ACTN1: variants seen among roughly 807,000 people sequenced by gnomAD.
ACTN1 encodes actinin alpha 1.
In ACTN1, 30 loss-of-function variants were observed where a neutral mutation model predicts 119.6. The ratio of observed to expected loss-of-function variants is 0.25; its 90% CI spans 0.19 to 0.34. The LOEUF is 0.34. Among genes scored for constraint, ACTN1 ranks in the 10% least tolerant of loss-of-function variants. The pLI is 1.00. For synonymous variants in ACTN1, 429 were observed against 472.6 expected (o/e 0.91, Z 1.20); for missense variants, 764 against 1,223.4 (o/e 0.62, Z 5.60).
intron 1 of ACTN1, among the ~76,000 whole-genome samples, chr14:68,967,041 T>C (rs1037864719): frequency 2.6e-5 from 4 of 152,224 alleles, no homozygotes; most frequent in Admixed American, 2.0e-4. Flanking sequence ...CAGCCTACCA[T>C]TGGACGCACC....
intron 1 of ACTN1, chr14:68,978,454 A>C (rs2037146985): frequency 3.0e-6 from 1 of 335,516 alleles, no homozygotes; most frequent in East Asian, 9.8e-5. Context: ...CCTCCGCCTA[A>C]GGGGCAGCAG....
intron 1 of ACTN1, among the ~76,000 whole-genome samples, chr14:68,957,301 C>T (rs1431403139): frequency 1.3e-5 from 2 of 152,334 alleles, no homozygotes; most frequent in East Asian, 3.9e-4. Context: ...ATCCCCTCTT[C>T]CCCCAAGAGA....
At chr14:68,942,105 A>C (rs1338036064) in intron 1 of ACTN1, among the ~76,000 whole-genome samples, 3 of 152,196 alleles carry the variant, frequency 2.0e-5, no homozygotes, top group African/African-American at 7.2e-5. Flanking sequence ...ACAAGCCACC[A>C]CAAGTCACAG....
At chr14:68,924,944 C>G (rs534955874) in intron 2 of ACTN1, among the ~76,000 whole-genome samples, 1 of 152,078 alleles carries the variant, frequency 6.6e-6, no homozygotes. Context: ...AGACGCCCAG[C>G]GAGGTTCAGC....
chr14:68,908,575 C>T (rs1054536886), intron 6 of ACTN1, among the ~76,000 whole-genome samples: 2 of 152,174 alleles, frequency 1.3e-5, no homozygotes, highest in African/African-American at 4.8e-5. Flanking sequence ...GATGGCCATG[C>T]CATGTGGCCT....
At chr14:68,922,096 C>A (rs1029491671) in intron 2 of ACTN1, among the ~76,000 whole-genome samples, 2 of 152,160 alleles carry the variant, frequency 1.3e-5, no homozygotes, top group African/African-American at 4.8e-5. Context: ...CTCTAAGGGG[C>A]CAAGGACCCC....
intron 1 of ACTN1, among the ~76,000 whole-genome samples, chr14:68,974,845 G>A (rs2037008195): frequency 6.6e-6 from 1 of 152,176 alleles, no homozygotes; most frequent in Non-Finnish European, 1.5e-5. Context: ...TAAGGGCTGG[G>A]CTCTTTCCTA....
intron 1 of ACTN1, chr14:68,977,871 G>A (rs962749122): frequency 8.9e-6 from 4 of 448,454 alleles, no homozygotes; most frequent in South Asian, 4.7e-5. Flanking sequence ...GGGAGGGACC[G>A]GATGGAAGTG....
At chr14:68,892,525 C>T (rs892536191) in intron 9 of ACTN1, among the ~76,000 whole-genome samples, 3 of 152,172 alleles carry the variant, frequency 2.0e-5, no homozygotes, top group African/African-American at 7.2e-5. Context: ...TCACGTCACT[C>T]AACCTCCCTG....
rs542901589 is a variant in ACTN1 at position 68,973,326 on chromosome 14, G to A, written c.105+5626C>T. Among the ~76,000 whole-genome samples, 221 of 152,290 alleles carry A rather than the reference G, an allele frequency of 1.5e-3. 1 individual carries two copies. Among genetic ancestry groups the A allele is most frequent in the Non-Finnish European group, 1.7e-3 (116 of 68,020 alleles). On this transcript the variant is annotated intron_variant, in intron 1 of 21. Coordinates refer to ENST00000394419, the MANE Select transcript of ACTN1 (RefSeq NM_001130004.2). ...TCCCCACATGTCGTGGGAGGGACCC[G>A]GTGGGAGGTAATTGAATCATGGGGG...
intron 1 of ACTN1, among the ~76,000 whole-genome samples, chr14:68,933,133 T>TAG (rs60697120): frequency 6.6e-6 from 1 of 152,040 alleles, no homozygotes; most frequent in African/African-American, 2.4e-5. Context: ...CTTGTATTTT[T>TAG]TTTATTATTA....
chr14:68,880,184 C>G lies in ACTN1; in HGVS notation c.2134-76G>C, dbSNP rs929547204. 5.8e-6 allele frequency: 9 copies of G among 1,547,426 alleles called. No homozygotes were observed. The African/African-American group carries it at 9.6e-5, about 16-fold the overall frequency. On this transcript the variant is annotated intron_variant, in intron 17 of 21. Coordinates refer to ENST00000394419, the MANE Select transcript of ACTN1 (RefSeq NM_001130004.2). The surrounding 1 kb of genome is among the most constrained non-coding windows in gnomAD (Gnocchi z 4.6). ...CTGGCGGCCCCTGCCCATCCTACTC[C>G]CCAACCATCAAAATGGCCAAAGCCA... is the stretch of plus-strand genomic sequence containing the variant.
intron 20 of ACTN1, 124 bp from the exon 21 acceptor site, chr14:68,877,364 C>T (rs766711601): frequency 1.8e-4 from 228 of 1,247,152 alleles, no homozygotes; most frequent in Middle Eastern, 1.7e-3. Context: ...ATCCCCCTGA[C>T]CTAACCTGGG....
At chr14:68,964,297 G>A (rs1483987932) in intron 1 of ACTN1, among the ~76,000 whole-genome samples, 1 of 152,184 alleles carries the variant, frequency 6.6e-6, no homozygotes, top group Non-Finnish European at 1.5e-5. Context: ...TCAAAAAACA[G>A]GAGTCAAGTA....
At position 68,875,195 on chromosome 14, in the gene ACTN1, A is replaced by G. The variant is rs2070278; in HGVS notation, c.2587-178T>C. 94,965 of 1,462,398 alleles carry G rather than the reference A, an allele frequency of 0.065. 6,479 individuals are homozygous for G. The highest frequency in any genetic ancestry group is 0.45 in the East Asian group (17,771 of 39,784). 90.6% of individuals were successfully genotyped at this position (1,462,398 alleles called of 1,614,324 possible). On this transcript the variant is annotated intron_variant, in intron 21 of 21. Transcript: ENST00000394419. Reference sequence around the variant, plus strand: ...ATCCACACATGTACATACCGCATACACAACATGTATTTTTAAAATTCTCTC... The same window carrying G: ...ATCCACACATGTACATACCGCATACGCAACATGTATTTTTAAAATTCTCTC...
At chr14:68,963,610 C>A (rs1396926916) in intron 1 of ACTN1, among the ~76,000 whole-genome samples, 1 of 152,224 alleles carries the variant, frequency 6.6e-6, no homozygotes, top group Non-Finnish European at 1.5e-5. Flanking sequence ...TGGAACCCAA[C>A]ACCACCTGGC....
intron 21 of ACTN1, among the ~76,000 whole-genome samples, chr14:68,876,629 C>A (rs2140036806): frequency 6.6e-6 from 1 of 152,276 alleles, no homozygotes; most frequent in Non-Finnish European, 1.5e-5. Context: ...CTGGGAAACC[C>A]AGAGTAGATC....
Position 68,936,498 on chromosome 14 carries a change from AC to A in ACTN1, c.106-10827del, listed in dbSNP as rs763813773. 559 of 321,988 alleles carry A rather than the reference AC, an allele frequency of 1.7e-3. 3 individuals carry two copies. The highest frequency in any genetic ancestry group is 2.7e-4 in the Non-Finnish European group (48 of 178,396). 19.9% of individuals were successfully genotyped at this position (321,988 alleles called of 1,614,324 possible). ...TTTTGTACCAAAATGTGCTGTCATT[AC>A]CTTTTTTTTTTTTTTAAGTATGCAA... On this transcript the variant is annotated intron_variant, in intron 1 of 21. Transcript: ENST00000394419.
chr14:68,879,821 G>A lies in ACTN1; in HGVS notation c.2280+141C>T, dbSNP rs1005022226. The A allele has an allele frequency of 2.4e-6, 3 of 1,226,848 alleles. No homozygotes were observed. The highest frequency in any genetic ancestry group is 3.1e-5 in the South Asian group (2 of 65,416). The allele number at this position is 1,226,848 out of a possible 1,614,324, so 76.0% of individuals were successfully genotyped here. On this transcript the variant is annotated intron_variant, in intron 18 of 21. Coordinates refer to ENST00000394419, the MANE Select transcript of ACTN1 (RefSeq NM_001130004.2). This position sits in a 1 kb window ranked among gnomAD's most constrained non-coding sequence, Gnocchi z 4.9. ...CAAGGCTGGTTTTGCAGGGTGCATT[G>A]AGTCAGGGCAGGCTGACGGCAGTTT...
Sources: gnomAD v4.1 joint callset for allele counts (sites outside exome capture counted in the v4.1 genomes callset) on GRCh38, gnomAD v4.1.1 for gene constraint, Gnocchi (gnomAD v3.1) non-coding constraint, MANE v1.5 for transcripts, NCBI Gene and HGNC (gene_info 2026-07-23, HGNC 2026-07-21) for gene names.